The following CTNNA2 variants were observed in gnomAD, a reference collection of about 807,000 sequenced individuals.
CTNNA2 encodes the protein catenin alpha 2.
In CTNNA2, 42 loss-of-function variants were observed where a neutral mutation model predicts 101.0. The ratio of observed to expected loss-of-function variants is 0.42; its 90% CI spans 0.32 to 0.54. The LOEUF (loss-of-function observed/expected upper bound fraction) is 0.54. CTNNA2 is among the 20% of genes least tolerant of loss of function. The pLI is 0.14. For synonymous variants in CTNNA2, 450 were observed against 456.4 expected, an observed-to-expected ratio of 0.99 and a Z score of 0.18; for missense variants, 871 against 1,223.1, an observed-to-expected ratio of 0.71 and a Z score of 4.29.
intron 15 of CTNNA2, among the ~76,000 whole-genome samples, chr2:80,600,920 C>T (rs1344728203): frequency 5.3e-5 from 8 of 152,104 alleles, no homozygotes; most frequent in South Asian, 2.1e-4. Flanking sequence ...GCTCAAGAAA[C>T]CTTCATAAAC....
intron 1 of CTNNA2, among the ~76,000 whole-genome samples, chr2:79,600,141 C>G (rs2104069345): frequency 6.6e-6 from 1 of 152,146 alleles, no homozygotes; most frequent in East Asian, 1.9e-4. Flanking sequence ...CTAAATTGAA[C>G]TACACCGAGA....
upstream of CTNNA2, among the ~76,000 whole-genome samples, chr2:79,512,577 T>G (rs1392909393): frequency 3.2e-5 from 2 of 62,484 alleles, no homozygotes; most frequent in Admixed American, 1.5e-4. Flanking sequence ...CCCCCGCCCC[T>G]ATCCTGCCCG....
At chr2:79,519,416 A>G (rs1221020499) in intron 1 of CTNNA2, among the ~76,000 whole-genome samples, 1 of 152,066 alleles carries the variant, frequency 6.6e-6, no homozygotes, top group Non-Finnish European at 1.5e-5. Flanking sequence ...TTATAATTTT[A>G]TAAGCACACT....
intron 8 of CTNNA2, among the ~76,000 whole-genome samples, chr2:80,411,321 T>A (rs998870230): frequency 6.6e-6 from 1 of 152,104 alleles, no homozygotes; most frequent in Non-Finnish European, 1.5e-5. Flanking sequence ...AAAGTGAGAA[T>A]CTCATAGTGA....
intron 9 of CTNNA2, among the ~76,000 whole-genome samples, chr2:80,460,933 T>A (rs1455372278): frequency 6.6e-6 from 1 of 152,166 alleles, no homozygotes; most frequent in Admixed American, 6.5e-5. Context: ...CAATATCACA[T>A]TTATAACACA....
chr2:80,474,335 G>A (rs1423928782), intron 9 of CTNNA2, among the ~76,000 whole-genome samples: 1 of 151,644 alleles, frequency 6.6e-6, no homozygotes, highest in Non-Finnish European at 1.5e-5. Context: ...TCTTCCTCAT[G>A]GTGCTACACT....
intron 7 of CTNNA2, among the ~76,000 whole-genome samples, chr2:80,023,277 T>C (rs553944742): frequency 6.6e-6 from 1 of 152,352 alleles, no homozygotes; most frequent in East Asian, 1.9e-4. Context: ...TGCGAGCTAA[T>C]GGCTTTTTAA....
intron 1 of CTNNA2, among the ~76,000 whole-genome samples, chr2:79,529,113 T>G (rs551811407): frequency 9.9e-5 from 15 of 152,070 alleles, no homozygotes; most frequent in Admixed American, 6.6e-4. Context: ...CATTCCAGGT[T>G]GAGGGGAAAG....
intron 16 of CTNNA2, among the ~76,000 whole-genome samples, chr2:80,606,586 AT>A (rs1464213567): frequency 5.9e-5 from 9 of 152,044 alleles, no homozygotes; most frequent in East Asian, 1.9e-4. Context: ...TCAGAAAAAA[AT>A]GTTATCAAAT....
chr2:80,539,838 C>A (rs1450270323), intron 9 of CTNNA2, among the ~76,000 whole-genome samples: 1 of 152,194 alleles, frequency 6.6e-6, no homozygotes, highest in Admixed American at 6.5e-5. Flanking sequence ...CCAGATCAAT[C>A]TAAATTGCTC....
At chr2:79,630,355 C>T (rs1326438984) in intron 1 of CTNNA2, among the ~76,000 whole-genome samples, 2 of 152,102 alleles carry the variant, frequency 1.3e-5, no homozygotes, top group African/African-American at 2.4e-5. Flanking sequence ...AATTAAATTC[C>T]AAGAACATTT....
intron 7 of CTNNA2, among the ~76,000 whole-genome samples, chr2:79,939,461 A>C (rs900292317): frequency 1.3e-5 from 2 of 152,238 alleles, no homozygotes; most frequent in African/African-American, 2.4e-5. Flanking sequence ...TGCAGTCTTA[A>C]AATGAGTTTT....
chr2:80,548,143 T>C (rs987161346), intron 11 of CTNNA2, among the ~76,000 whole-genome samples: 2 of 152,092 alleles, frequency 1.3e-5, no homozygotes, highest in African/African-American at 4.8e-5. Context: ...AATAGAAAGG[T>C]GGCCACTGAT....
intron 7 of CTNNA2, among the ~76,000 whole-genome samples, chr2:80,011,949 G>A (rs1420907066): frequency 1.3e-5 from 2 of 152,104 alleles, no homozygotes; most frequent in African/African-American, 4.8e-5. Flanking sequence ...GCAGAGGATG[G>A]GGGCACTTCA....
At chr2:79,868,735 C>T (rs1019053235) in intron 4 of CTNNA2, among the ~76,000 whole-genome samples, 29 of 152,200 alleles carry the variant, frequency 1.9e-4, no homozygotes, top group African/African-American at 6.8e-4. Flanking sequence ...TCAAAGCTGC[C>T]TTCTCGCTCC....
intron 3 of CTNNA2, among the ~76,000 whole-genome samples, chr2:79,340,613 C>T (rs945579744): frequency 3.3e-5 from 5 of 152,044 alleles, no homozygotes; most frequent in African/African-American, 1.2e-4. Flanking sequence ...GCGGGCGGAT[C>T]ACGAGGTCAG....
chr2:79,446,978 T>C, intron 4 of CTNNA2, among the ~76,000 whole-genome samples: 1 of 151,736 alleles, frequency 6.6e-6, no homozygotes, highest in South Asian at 2.1e-4. Context: ...TTTGTCTCTG[T>C]AATGGCTTTG....
chr2:79,841,739 A>T (rs1472456599), intron 3 of CTNNA2, among the ~76,000 whole-genome samples: 1 of 152,228 alleles, frequency 6.6e-6, no homozygotes, highest in Non-Finnish European at 1.5e-5. Context: ...AGAAACATTA[A>T]CTGGGACATA....
chr2:79,318,375 A>G (rs899173800), intron 3 of CTNNA2, among the ~76,000 whole-genome samples: 1 of 152,214 alleles, frequency 6.6e-6, no homozygotes, highest in East Asian at 1.9e-4. Flanking sequence ...AGAAAAAAAT[A>G]CATTTTATAT....
Sources: allele counts gnomAD v4.1 joint callset (sites outside exome capture counted in the v4.1 genomes callset), GRCh38; gene constraint gnomAD v4.1.1; transcripts MANE v1.5; gene names NCBI Gene and HGNC (gene_info 2026-07-23, HGNC 2026-07-21).